The following SLC2A9 variants were observed in gnomAD, a reference collection of about 807,000 sequenced individuals.
SLC2A9 encodes the protein solute carrier family 2 member 9.
Under a neutral mutation model 50.6 loss-of-function variants are expected in SLC2A9, and 39 were observed. The ratio of observed to expected loss-of-function variants is 0.77; its 90% CI spans 0.60 to 1.01. The LOEUF is 1.01. Among genes scored for constraint, SLC2A9 ranks in the 50% least tolerant of loss-of-function variants. SLC2A9 has a pLI of 0.00. For missense variants in SLC2A9, 686 were observed against 677.6 expected, an observed-to-expected ratio of 1.01 and a Z score of -0.14; for synonymous variants, 324 against 276.9, an observed-to-expected ratio of 1.17 and a Z score of -1.69.
intron 2 of SLC2A9, among the ~76,000 whole-genome samples, chr4:10,015,759 T>C (rs1159338390): frequency 6.6e-6 from 1 of 152,184 alleles, no homozygotes; most frequent in Non-Finnish European, 1.5e-5. Flanking sequence ...ATTTTGGATT[T>C]CCAGGTTGGA....
chr4:9,816,027 G>A (rs896209981), intron 3 of SLC2A9, among the ~76,000 whole-genome samples: 5 of 151,794 alleles, frequency 3.3e-5, no homozygotes, highest in Non-Finnish European at 7.4e-5. Flanking sequence ...AAAATTAGCC[G>A]GGCATGGTGG....
At chr4:9,819,116 C>CAAAAAA (rs60751108) in intron 3 of SLC2A9, among the ~76,000 whole-genome samples, 1 of 57,362 alleles carries the variant, frequency 1.7e-5, no homozygotes, top group African/African-American at 5.4e-5. Context: ...GAGACTGTCT[C>CAAAAAA]AAAAAAAAAA....
intron 10 of SLC2A9, among the ~76,000 whole-genome samples, chr4:9,886,457 TGTG>T (rs1736273076): frequency 2.0e-5 from 3 of 149,306 alleles, no homozygotes; most frequent in Non-Finnish European, 4.5e-5. Context: ...TGTGTGTGTG[TGTG>T]TGTGTGTGTG....
At chr4:9,871,635 G>A (rs1733453773) in intron 10 of SLC2A9, among the ~76,000 whole-genome samples, 1 of 152,140 alleles carries the variant, frequency 6.6e-6, no homozygotes, top group African/African-American at 2.4e-5. Context: ...TTCATCTTGC[G>A]ATCCTTAACT....
chr4:10,012,241 G>C lies in SLC2A9; in HGVS notation c.249+6734C>G, dbSNP rs553583051. On this transcript the variant is annotated intron_variant, in intron 2 of 11. Coordinates refer to ENST00000264784, the MANE Select transcript of SLC2A9 (RefSeq NM_020041.3). ...GTGGAACAGAAAGAAGGGATACTCA[G>C]GAATTAGACAGACCAGTGTCCAAGT... 3.9e-5 allele frequency among the ~76,000 whole-genome samples: 6 copies of C among 152,318 alleles called. No homozygotes were observed. The South Asian group carries it at 1.0e-3, about 26-fold the overall frequency.
In SLC2A9 at chr4:9,965,594, T is replaced by C. The variant is rs1011050951; in HGVS notation, c.681+14998A>G. Among the ~76,000 whole-genome samples the C allele has an allele frequency of 5.9e-5, 9 of 152,344 alleles. No homozygotes were observed. The East Asian group carries it at 7.7e-4, about 13-fold the overall frequency. On this transcript the variant is annotated intron_variant, in intron 5 of 11. Coordinates refer to ENST00000264784, the MANE Select transcript of SLC2A9 (RefSeq NM_020041.3). Reference sequence around the variant, plus strand: ...GAAACTTATGGATGACCTTTCTTTATGTAATAAAACAAAACTGGTAATGAA... The same window carrying C: ...GAAACTTATGGATGACCTTTCTTTACGTAATAAAACAAAACTGGTAATGAA...
chr4:10,019,113 G>A, intron 1 of SLC2A9, 40 bp from the exon 2 acceptor site: 1 of 1,519,308 alleles, frequency 6.6e-7, no homozygotes, highest in Non-Finnish European at 8.9e-7. Context: ...GGCACCGGGC[G>A]CGCAGCCAGG....
At chr4:9,774,933 C>A (rs866978248), downstream of SLC2A9, among the ~76,000 whole-genome samples, 5 of 152,118 alleles carry the variant, frequency 3.3e-5, no homozygotes, top group African/African-American at 1.2e-4. Context: ...AGCCACCCAG[C>A]CAAAAGAAAC....
chr4:9,991,432 T>G lies in SLC2A9; in HGVS notation c.410+5349A>C, dbSNP rs552087219. ...TGTAACCTCGCTCGGGCCAAGGAGA[T>G]TCATGCCTGGGACTTTAACTACAAT... On this transcript the variant is annotated intron_variant, in intron 3 of 11. Transcript: ENST00000264784. Among the ~76,000 whole-genome samples, 32 of 152,192 alleles carry G rather than the reference T, an allele frequency of 2.1e-4. 1 individual carries two copies. The highest frequency in any genetic ancestry group is 2.0e-3 in the Admixed American group (30 of 15,280).
At chr4:9,979,860 G>C (rs1377843570) in intron 5 of SLC2A9, among the ~76,000 whole-genome samples, 1 of 152,088 alleles carries the variant, frequency 6.6e-6, no homozygotes, top group Non-Finnish European at 1.5e-5. Context: ...TCCCAGGGCT[G>C]TGCCCCATCT....
At chr4:9,833,840 T>A (rs1726586305) in intron 11 of SLC2A9, among the ~76,000 whole-genome samples, 1 of 152,142 alleles carries the variant, frequency 6.6e-6, no homozygotes, top group Admixed American at 6.5e-5. Flanking sequence ...CTCCTCCAGG[T>A]GGTACCACCC....
At chr4:10,018,366 G>C (rs1410743077) in intron 2 of SLC2A9, among the ~76,000 whole-genome samples, 2 of 152,156 alleles carry the variant, frequency 1.3e-5, no homozygotes, top group African/African-American at 4.8e-5. Context: ...CCAATATGGC[G>C]GAACACCACC....
chr4:9,819,084 G>A (rs527253658), intron 3 of SLC2A9, among the ~76,000 whole-genome samples: 167 of 136,148 alleles, frequency 1.2e-3, no homozygotes, highest in African/African-American at 4.7e-3. Flanking sequence ...GCACCATTGC[G>A]CTCCAGCCTG....
chr4:9,860,255 C>A (rs114467247), intron 10 of SLC2A9, among the ~76,000 whole-genome samples: 1 of 152,140 alleles, frequency 6.6e-6, no homozygotes, highest in Non-Finnish European at 1.5e-5. Context: ...TCCCTGCCTT[C>A]GAGGCTGTTG....
At chr4:9,944,648 A>G (rs1748780701) in intron 5 of SLC2A9, among the ~76,000 whole-genome samples, 1 of 152,212 alleles carries the variant, frequency 6.6e-6, no homozygotes, top group Non-Finnish European at 1.5e-5. Context: ...TGGGGTGAAC[A>G]GCGGAAAAGG....
chr4:10,000,153 A>C (rs891789009), intron 2 of SLC2A9, among the ~76,000 whole-genome samples: 2 of 152,196 alleles, frequency 1.3e-5, no homozygotes, highest in African/African-American at 4.8e-5. Context: ...GCACGGAGTG[A>C]GGATAGAATA....
At chr4:9,823,414 G>T (rs1265205016), downstream of SLC2A9, among the ~76,000 whole-genome samples, 1 of 152,108 alleles carries the variant, frequency 6.6e-6, no homozygotes, top group African/African-American at 2.4e-5. Context: ...CATTATATTT[G>T]GGTATCTGGA....
downstream of SLC2A9, among the ~76,000 whole-genome samples, chr4:9,779,296 C>G (rs1717997260): frequency 6.6e-6 from 1 of 152,198 alleles, no homozygotes; most frequent in Non-Finnish European, 1.5e-5. Flanking sequence ...CCTTGGCCAA[C>G]CTCCCCAACT....
intron 3 of SLC2A9, among the ~76,000 whole-genome samples, chr4:9,790,786 G>A (rs1329932139): frequency 6.6e-6 from 1 of 152,178 alleles, no homozygotes; most frequent in East Asian, 1.9e-4. Flanking sequence ...AAAATTGGAT[G>A]TGTTAGAATG....
Sources: gnomAD v4.1 joint callset for allele counts (sites outside exome capture counted in the v4.1 genomes callset) on GRCh38, gnomAD v4.1.1 for gene constraint, MANE v1.5 for transcripts, NCBI Gene and HGNC (gene_info 2026-07-23, HGNC 2026-07-21) for gene names.